HS3ST3A1: variants seen among roughly 807,000 people sequenced by gnomAD.
The protein encoded by HS3ST3A1 is heparan sulfate glucosamine 3-O-sulfotransferase 3A1.
A neutral mutation model predicts 25.7 loss-of-function variants in HS3ST3A1; 19 were observed. The ratio of observed to expected loss-of-function variants is 0.74; its 90% CI spans 0.52 to 1.08. The LOEUF (loss-of-function observed/expected upper bound fraction) is 1.08, where lower values mean the gene tolerates loss of function less well. HS3ST3A1 is among the 50% of genes least tolerant of loss of function. The pLI is 0.00. For synonymous variants in HS3ST3A1, 226 were observed against 278.6 expected, an observed-to-expected ratio of 0.81 and a Z score of 1.88; for missense variants, 459 against 594.3, an observed-to-expected ratio of 0.77 and a Z score of 2.37.
At chr17:13,570,987 T>C (rs1334701258) in intron 1 of HS3ST3A1, among the ~76,000 whole-genome samples, 1 of 152,176 alleles carries the variant, frequency 6.6e-6, no homozygotes, top group Non-Finnish European at 1.5e-5. Flanking sequence ...ATTAGAGATA[T>C]AGGAGAGGCC....
chr17:13,554,963 C>T (rs1238802716), intron 1 of HS3ST3A1, among the ~76,000 whole-genome samples: 1 of 151,956 alleles, frequency 6.6e-6, no homozygotes, highest in East Asian at 1.9e-4. Flanking sequence ...TTCCTCAAGC[C>T]CCCTGAGAAT....
In HS3ST3A1 at chr17:13,495,885, T is replaced by A. The variant is rs1598404325; in HGVS notation, c.*312A>T. On this transcript the variant is annotated 3_prime_UTR_variant, in exon 2 of 2. Coordinates refer to ENST00000284110, the MANE Select transcript of HS3ST3A1 (RefSeq NM_006042.3). ...TATTTTAAAAAAAGAGAGAGAGATG[T>A]TTAACCTCAAGATTTTCTGAAAACT... 1.8e-5 allele frequency: 4 copies of A among 226,784 alleles called. No homozygotes were observed. Among genetic ancestry groups the A allele is most frequent in the Non-Finnish European group, 3.4e-5 (4 of 118,274 alleles). 14.0% of individuals were successfully genotyped at this position (226,784 alleles called of 1,614,324 possible).
chr17:13,572,062 A>C (rs1250289552), intron 1 of HS3ST3A1, among the ~76,000 whole-genome samples: 1 of 152,118 alleles, frequency 6.6e-6, no homozygotes, highest in Non-Finnish European at 1.5e-5. Flanking sequence ...CCCTGCCAAT[A>C]ATGTTTTTAA....
At chr17:13,558,985 T>C (rs957719740) in intron 1 of HS3ST3A1, among the ~76,000 whole-genome samples, 27 of 152,238 alleles carry the variant, frequency 1.8e-4, no homozygotes, top group Non-Finnish European at 3.1e-4. Flanking sequence ...CTCTACCACT[T>C]AGCAGTGATG....
intron 1 of HS3ST3A1, among the ~76,000 whole-genome samples, chr17:13,512,170 G>A (rs971047917): frequency 2.6e-5 from 4 of 151,914 alleles, no homozygotes; most frequent in Non-Finnish European, 5.9e-5. Context: ...GCGGTGGCGG[G>A]CGCCTGTAGT....
At chr17:13,596,416 C>T (rs1359334059) in intron 1 of HS3ST3A1, among the ~76,000 whole-genome samples, 1 of 55,474 alleles carries the variant, frequency 1.8e-5, no homozygotes, top group Non-Finnish European at 4.0e-5. Flanking sequence ...TGTGCGCGTG[C>T]GTACACACAC....
At chr17:13,542,442 G>A (rs1314160946) in intron 1 of HS3ST3A1, among the ~76,000 whole-genome samples, 1 of 152,086 alleles carries the variant, frequency 6.6e-6, no homozygotes, top group African/African-American at 2.4e-5. Flanking sequence ...TCTGCACAGA[G>A]GAAAGGTTGT....
chr17:13,585,844 T>A lies in HS3ST3A1; in HGVS notation c.599+14687A>T, dbSNP rs1196236677. Among the ~76,000 whole-genome samples, 2 of 125,250 alleles carry A rather than the reference T, an allele frequency of 1.6e-5. 1 individual carries two copies. The highest frequency in any genetic ancestry group is 3.4e-5 in the Non-Finnish European group (2 of 59,694). The allele number at this position is 125,250 out of a possible 152,430, so 82.2% of individuals were successfully genotyped here. A position where few individuals can be genotyped will look rare whatever the true frequency, so the allele number is the denominator to read the frequency against. On this transcript the variant is annotated intron_variant, in intron 1 of 1. Coordinates refer to ENST00000284110, the MANE Select transcript of HS3ST3A1 (RefSeq NM_006042.3). ...ACCTGTTATTCCTCCTTCTGCGTTT[T>A]TTTTTTTTTTTTTTTTTTTTTTTCT...
At chr17:13,544,690 G>A in intron 1 of HS3ST3A1, among the ~76,000 whole-genome samples, 1 of 151,708 alleles carries the variant, frequency 6.6e-6, no homozygotes, top group Admixed American at 6.6e-5. Context: ...CTTGGAACAA[G>A]AGTAATTATT....
chr17:13,560,917 C>T (rs1457840768), intron 1 of HS3ST3A1, among the ~76,000 whole-genome samples: 1 of 152,188 alleles, frequency 6.6e-6, no homozygotes, highest in East Asian at 1.9e-4. Context: ...TCCAGCAATA[C>T]TGTACAGCAA....
In HS3ST3A1 at chr17:13,592,472, G is replaced by A. The variant is rs140953843; in HGVS notation, c.599+8059C>T. Reference sequence around the variant, plus strand: ...TTGCTATTTTAAAAAAGGCTAAAACGCATGAAGAAAAGTGTATAGCCACTA... The same window carrying A: ...TTGCTATTTTAAAAAAGGCTAAAACACATGAAGAAAAGTGTATAGCCACTA... On this transcript the variant is annotated intron_variant, in intron 1 of 1. Transcript: ENST00000284110. Among the ~76,000 whole-genome samples the A allele has an allele frequency of 2.0e-4, 31 of 152,238 alleles. 1 individual carries two copies. In the East Asian group the frequency reaches 5.4e-3, roughly 27 times the overall value.
At position 13,600,513 on chromosome 17, in the gene HS3ST3A1, C is replaced by T; in HGVS notation, c.599+18G>A. ...ACCCCCGGATCCTTCAGCCCCAGCC[C>T]GGGCCCGCCCCGCTCACCGGTACCA... On this transcript the variant is annotated intron_variant, in intron 1 of 1. Coordinates refer to ENST00000284110, the MANE Select transcript of HS3ST3A1 (RefSeq NM_006042.3). 1.3e-6 allele frequency: 2 copies of T among 1,575,418 alleles called. No homozygotes were observed. The highest frequency in any genetic ancestry group is 2.3e-5 in the South Asian group (2 of 87,410).
chr17:13,588,351 G>A lies in HS3ST3A1; in HGVS notation c.599+12180C>T, dbSNP rs112767080. Among the ~76,000 whole-genome samples, 336 of 152,038 alleles carry A rather than the reference G, an allele frequency of 2.2e-3. 2 individuals are homozygous for A. Among genetic ancestry groups the A allele is most frequent in the African/African-American group, 7.5e-3 (310 of 41,456 alleles). On this transcript the variant is annotated intron_variant, in intron 1 of 1. Coordinates refer to ENST00000284110, the MANE Select transcript of HS3ST3A1 (RefSeq NM_006042.3). ...CATTAAACTCATAGTGAGTCTATTC[G>A]TGGTACAGTTCCAAGCCATGGGCAT...
intron 1 of HS3ST3A1, among the ~76,000 whole-genome samples, chr17:13,548,396 CTGAT>C (rs1216746980): frequency 6.6e-6 from 1 of 152,174 alleles, no homozygotes; most frequent in East Asian, 1.9e-4. Context: ...TCACTTAAGC[CTGAT>C]TATCTACTGA....
At position 13,534,547 on chromosome 17, in the gene HS3ST3A1, C is replaced by CAAAAAAAAAAAAA. The variant is rs34383911; in HGVS notation, c.600-37742_600-37730dup. Among the ~76,000 whole-genome samples the CAAAAAAAAAAAAA allele has an allele frequency of 1.4e-3, 46 of 32,826 alleles. 1 individual carries two copies. The highest frequency in any genetic ancestry group is 2.2e-3 in the Non-Finnish European group (37 of 16,966). 21.5% of individuals were successfully genotyped at this position (32,826 alleles called of 152,430 possible). On this transcript the variant is annotated intron_variant, in intron 1 of 1. Transcript: ENST00000284110. ...GGTGAAACTTCATCTCTACAAAATC[C>CAAAAAAAAAAAAA]AAAAAAAAAAAAAAAAAAAAAAAAA...
At chr17:13,515,820 A>T (rs1405648938) in intron 1 of HS3ST3A1, among the ~76,000 whole-genome samples, 1 of 152,182 alleles carries the variant, frequency 6.6e-6, no homozygotes, top group Non-Finnish European at 1.5e-5. Context: ...ATCAGTTTTT[A>T]AAAATAATTT....
intron 1 of HS3ST3A1, among the ~76,000 whole-genome samples, chr17:13,589,940 T>A (rs142158801): frequency 3.3e-5 from 5 of 152,208 alleles, no homozygotes; most frequent in Non-Finnish European, 7.3e-5. Flanking sequence ...CATTTTTGAC[T>A]TTGTCATTCA....
At chr17:13,586,341 A>G (rs1034302686) in intron 1 of HS3ST3A1, among the ~76,000 whole-genome samples, 1 of 151,566 alleles carries the variant, frequency 6.6e-6, no homozygotes, top group Non-Finnish European at 1.5e-5. Flanking sequence ...TAGATTCCTC[A>G]ACGGCCACCT....
At chr17:13,531,122 A>G (rs1241428629) in intron 1 of HS3ST3A1, among the ~76,000 whole-genome samples, 1 of 152,244 alleles carries the variant, frequency 6.6e-6, no homozygotes, top group Non-Finnish European at 1.5e-5. Flanking sequence ...CATTTAGGGA[A>G]TAAGCACAAA....
Sources: gnomAD v4.1 joint callset for allele counts (sites outside exome capture counted in the v4.1 genomes callset) on GRCh38, gnomAD v4.1.1 for gene constraint, MANE v1.5 for transcripts, NCBI Gene and HGNC (gene_info 2026-07-23, HGNC 2026-07-21) for gene names.